The following MXD4 variants were observed in gnomAD, a reference collection of about 807,000 sequenced individuals.
MXD4 encodes the protein MAX dimerization protein 4.
In MXD4, 16 loss-of-function variants were observed where a neutral mutation model predicts 24.5. That is an observed-to-expected ratio of 0.65 (90% CI 0.44 to 0.99). The LOEUF (loss-of-function observed/expected upper bound fraction) is 0.99, where lower values mean the gene tolerates loss of function less well. Ranked by LOEUF, MXD4 falls within the 50% of genes least tolerant of loss-of-function variation. The pLI, the probability that MXD4 is intolerant of heterozygous loss-of-function variation, is 0.00. For synonymous variants in MXD4, 164 were observed against 134.2 expected (o/e 1.22, Z -1.54); for missense variants, 301 against 301.5 (o/e 1.00, Z 0.01).
At chr4:2,252,837 C>A (rs933084175) in intron 3 of MXD4, 2 of 312,118 alleles carry the variant, frequency 6.4e-6, no homozygotes, top group African/African-American at 4.4e-5. Context: ...CATCCCCACC[C>A]TGGAGTCCAC....
chr4:2,250,365 A>C lies in MXD4; in HGVS notation c.*179T>G. 1.2e-6 allele frequency: 1 copy of C among 825,324 alleles called. No individual in the cohort carries two copies. Among genetic ancestry groups the C allele is most frequent in the Admixed American group, 3.0e-5 (1 of 32,820 alleles). 51.1% of individuals were successfully genotyped at this position (825,324 alleles called of 1,614,324 possible). On this transcript the variant is annotated 3_prime_UTR_variant, in exon 6 of 6. Transcript: ENST00000337190. The stretch of plus-strand genomic sequence containing the variant: ...GGGACTCTGCCCAGCTGGAAGGGGC[A>C]GGCAGCTCGGCAGGCCCTGACCGGC...
At chr4:2,255,946 T>G (rs1341298605) in intron 3 of MXD4, among the ~76,000 whole-genome samples, 1 of 152,096 alleles carries the variant, frequency 6.6e-6, no homozygotes, top group African/African-American at 2.4e-5. Context: ...CCACTCCCTC[T>G]GCCTGCGTTT....
At chr4:2,250,725 G>C in intron 5 of MXD4, 24 bp from the exon 6 acceptor site, 1 of 1,604,296 alleles carries the variant, frequency 6.2e-7, no homozygotes. Context: ...AGTGGGGATG[G>C]GGTCAGGCCA....
In MXD4 at chr4:2,250,554, G is replaced by A; in HGVS notation, c.620C>T (p.Ala207Val). ...GPHCRRLGRPALS is the reference protein window; with the variant it reads ...GPHCRRLGRPVLS ...GCAGAGGGCACGGGCCTACGAGAGG[G>A]CGGGGCGGCCCAGCCGCCGGCAGTG... Residue 207 changes from alanine to valine, a missense_variant, in exon 6 of 6, where the codon GCC becomes GTC. Transcript: ENST00000337190. 5 of 1,589,430 alleles carry A rather than the reference G, an allele frequency of 3.1e-6. No individual in the cohort carries two copies. The South Asian group carries it at 5.6e-5, about 18-fold the overall frequency.
At chr4:2,259,760 G>A (rs761301508) in intron 2 of MXD4, among the ~76,000 whole-genome samples, 1 of 152,130 alleles carries the variant, frequency 6.6e-6, no homozygotes, top group African/African-American at 2.4e-5. Flanking sequence ...TATCCCTCAG[G>A]AGAGGTGGGA....
In MXD4 at chr4:2,251,224, C is replaced by T. The variant is rs757540498; in HGVS notation, c.332G>A (p.Arg111Gln). 2.2e-5 allele frequency: 36 copies of T among 1,604,740 alleles called. No homozygotes were observed. The highest frequency in any genetic ancestry group is 9.4e-5 in the African/African-American group (7 of 74,808). ...HIKKLEEQDR[R>Q]ALSIKEQLQQ... is the part of the protein sequence containing the mutation. ...CAGCTGCTCCTTGATGCTCAGTGCC[C>T]GGCGGTCCTGCTCCTCCAGTTTCTG... The change falls in exon 5 of 6, where the codon CGG (arginine) becomes CAG (glutamine). Residue 111 changes from arginine to glutamine, a missense_variant. By Grantham distance (43) the Arg-to-Gln change is conservative. Transcript: ENST00000337190.
At chr4:2,256,750 A>G (rs1207889362) in intron 3 of MXD4, among the ~76,000 whole-genome samples, 1 of 152,090 alleles carries the variant, frequency 6.6e-6, no homozygotes, top group Non-Finnish European at 1.5e-5. Context: ...GTCAAAGGGC[A>G]GCTGCAGGGG....
In MXD4 at chr4:2,251,206, T is replaced by C; in HGVS notation, c.350A>G (p.Glu117Gly). 1 of 1,608,470 alleles carries C rather than the reference T, an allele frequency of 6.2e-7. No homozygotes were observed. Among genetic ancestry groups the C allele is most frequent in the South Asian group, 1.1e-5 (1 of 90,206 alleles). ...GAAACGATGCTCCTGCTGCAGCTGC[T>C]CCTTGATGCTCAGTGCCCGGCGGTC... ...EQDRRALSIK[E>G]QLQQEHRFLK... Residue 117 changes from glutamate (E) to glycine (G), a missense_variant, in exon 5 of 6, where the codon GAG (glutamate) becomes GGG (glycine). Transcript: ENST00000337190.
chr4:2,259,380 C>T (rs1487688288), intron 2 of MXD4, among the ~76,000 whole-genome samples: 3 of 152,354 alleles, frequency 2.0e-5, no homozygotes, highest in Middle Eastern at 3.4e-3. Context: ...CCAGCCAGGG[C>T]CGACCAGGGC....
chr4:2,259,257 G>A (rs1577823972), intron 2 of MXD4, among the ~76,000 whole-genome samples: 1 of 152,164 alleles, frequency 6.6e-6, no homozygotes, highest in Non-Finnish European at 1.5e-5. Context: ...GCACCAACAG[G>A]CCCTGGGCCT....
Position 2,261,900 on chromosome 4 carries a change from T to C in MXD4, c.64+17A>G, listed in dbSNP as rs1735556614. 1 of 1,439,838 alleles carries C rather than the reference T, an allele frequency of 6.9e-7. No individual in the cohort carries two copies. Among genetic ancestry groups the C allele is most frequent in the South Asian group, 1.4e-5 (1 of 73,420 alleles). 89.2% of individuals were successfully genotyped at this position (1,439,838 alleles called of 1,614,324 possible). ...CCCGCCCACCGCCGCGGGCGCACAATGGGGTGCGAGCGCTACCTCGATCCC... is the reference window on the plus strand; with the variant it reads ...CCCGCCCACCGCCGCGGGCGCACAACGGGGTGCGAGCGCTACCTCGATCCC... On this transcript the variant is annotated intron_variant, in intron 1 of 5. Transcript: ENST00000337190.
At chr4:2,252,386 G>A (rs1315785155) in intron 4 of MXD4, 22 bp downstream of exon 4, 15 of 1,586,482 alleles carry the variant, frequency 9.5e-6, no homozygotes, top group Non-Finnish European at 1.3e-5. Flanking sequence ...ACAGGGCAGG[G>A]TGGAGAGCAA....
At chr4:2,259,885 C>T (rs1735504052) in intron 2 of MXD4, among the ~76,000 whole-genome samples, 1 of 152,182 alleles carries the variant, frequency 6.6e-6, no homozygotes, top group Non-Finnish European at 1.5e-5. Flanking sequence ...TGCTCTGCCG[C>T]CTCCCTCAAC....
At chr4:2,261,258 A>T (rs1379448303) in intron 2 of MXD4, among the ~76,000 whole-genome samples, 2 of 151,830 alleles carry the variant, frequency 1.3e-5, no homozygotes. Flanking sequence ...CGAGCAGCAG[A>T]GTTCGGCTGG....
At chr4:2,252,637 C>T in intron 3 of MXD4, 115 bp from the exon 4 acceptor site, 6 of 702,620 alleles carry the variant, frequency 8.5e-6, no homozygotes, top group Non-Finnish European at 1.4e-5. Context: ...TGCTGAGGGT[C>T]CCTCTCTAAG....
Position 2,261,829 on chromosome 4 carries a change from G to C in MXD4, c.65-5C>G, listed in dbSNP as rs1735554536. On this transcript the variant is annotated splice_region_variant and splice_polypyrimidine_tract_variant and intron_variant, in intron 1 of 5. Coordinates refer to ENST00000337190, the MANE Select transcript of MXD4 (RefSeq NM_006454.3). ...AGGCGTAGCCGTGCTCGGCCTCTGC[G>C]GACACACGGCGCGGTCAGCGGCCCC... 6 of 1,377,636 alleles carry C rather than the reference G, an allele frequency of 4.4e-6. No individual in the cohort carries two copies. Among genetic ancestry groups the C allele is most frequent in the Non-Finnish European group, 5.6e-6 (6 of 1,062,774 alleles). The allele number at this position is 1,377,636 out of a possible 1,614,324, so 85.3% of individuals were successfully genotyped here.
At chr4:2,260,801 T>C (rs2108792009) in intron 2 of MXD4, among the ~76,000 whole-genome samples, 1 of 152,298 alleles carries the variant, frequency 6.6e-6, no homozygotes, top group African/African-American at 2.4e-5. Context: ...TGAAGCCCCC[T>C]ACAAACGCAG....
chr4:2,250,537 C>G lies in MXD4; in HGVS notation c.*7G>C. On this transcript the variant is annotated 3_prime_UTR_variant, in exon 6 of 6. Transcript: ENST00000337190. ...GGCAGGCAGGCCAAGGAGCAGAGGG[C>G]ACGGGCCTACGAGAGGGCGGGGCGG... 1.9e-6 allele frequency: 3 copies of G among 1,568,044 alleles called. No homozygotes were observed. Among genetic ancestry groups the G allele is most frequent in the Non-Finnish European group, 2.6e-6 (3 of 1,157,896 alleles).
At chr4:2,250,723 T>G in intron 5 of MXD4, 22 bp from the exon 6 acceptor site, 3 of 1,609,922 alleles carry the variant, frequency 1.9e-6, no homozygotes, top group Non-Finnish European at 2.5e-6. Context: ...AGAGTGGGGA[T>G]GGGGTCAGGC....
Sources: allele counts gnomAD v4.1 joint callset (sites outside exome capture counted in the v4.1 genomes callset), GRCh38; gene constraint gnomAD v4.1.1; transcripts MANE v1.5; gene names NCBI Gene and HGNC (gene_info 2026-07-23, HGNC 2026-07-21).